The following LRMDA variants were observed in gnomAD, a reference collection of about 807,000 sequenced individuals.
The protein encoded by LRMDA is leucine-rich melanocyte differentiation-associated protein.
LRMDA carries 18 observed loss-of-function variants against 29.8 expected under a neutral mutation model. The observed-to-expected ratio is 0.60, with a 90% CI of 0.42 to 0.90. The LOEUF (loss-of-function observed/expected upper bound fraction) is 0.90. LRMDA is among the 40% of genes least tolerant of loss of function. LRMDA has a pLI of 0.00. For missense variants in LRMDA, 273 were observed against 273.9 expected (o/e 1.00, Z 0.02); for synonymous variants, 125 against 109.4 (o/e 1.14, Z -0.89).
intron 2 of LRMDA, among the ~76,000 whole-genome samples, chr10:75,669,521 T>G (rs1345418013): frequency 1.3e-5 from 2 of 152,256 alleles, no homozygotes; most frequent in Non-Finnish European, 2.9e-5. Flanking sequence ...CAAATTATTT[T>G]GTGAATTATC....
chr10:75,766,817 C>T (rs928331656), intron 2 of LRMDA, among the ~76,000 whole-genome samples: 9 of 152,060 alleles, frequency 5.9e-5, no homozygotes, highest in East Asian at 3.9e-4. Flanking sequence ...AGACGGGCCC[C>T]GGTGTGTGAT....
At chr10:76,374,636 G>A (rs955956855) in intron 6 of LRMDA, among the ~76,000 whole-genome samples, 10 of 152,112 alleles carry the variant, frequency 6.6e-5, no homozygotes, top group Non-Finnish European at 4.4e-5. Context: ...AATAAGCAGC[G>A]TCATTGCATT....
chr10:75,874,977 A>G (rs1184365102), intron 2 of LRMDA, among the ~76,000 whole-genome samples: 1 of 152,216 alleles, frequency 6.6e-6, no homozygotes, highest in Non-Finnish European at 1.5e-5. Flanking sequence ...TAGGCAGGGA[A>G]TATAATCATG....
intron 6 of LRMDA, among the ~76,000 whole-genome samples, chr10:76,517,594 C>G (rs1486539821): frequency 6.6e-6 from 1 of 151,896 alleles, no homozygotes; most frequent in Non-Finnish European, 1.5e-5. Context: ...ACTTCTAAAG[C>G]AGGTACATGA....
intron 5 of LRMDA, among the ~76,000 whole-genome samples, chr10:76,089,926 G>A (rs1849202845): frequency 6.6e-6 from 1 of 152,184 alleles, no homozygotes; most frequent in Admixed American, 6.5e-5. Context: ...AGAGTGTAAC[G>A]TGAGCCAACG....
chr10:75,941,385 C>T (rs561693093), intron 2 of LRMDA, among the ~76,000 whole-genome samples: 1 of 152,232 alleles, frequency 6.6e-6, no homozygotes, highest in East Asian at 1.9e-4. Context: ...AAATGGAAAA[C>T]GACTTTTAAT....
intron 6 of LRMDA, among the ~76,000 whole-genome samples, chr10:76,498,307 G>A (rs1842890479): frequency 1.3e-5 from 1 of 75,556 alleles, no homozygotes; most frequent in Admixed American, 1.2e-4. Context: ...CACTGTGTTA[G>A]GAGGTTCCTT....
At chr10:76,025,060 A>G (rs779798266) in intron 2 of LRMDA, among the ~76,000 whole-genome samples, 20 of 151,782 alleles carry the variant, frequency 1.3e-4, no homozygotes, top group Admixed American at 1.2e-3. Context: ...CACTCTTTAG[A>G]CTCTTAAAAA....
intron 5 of LRMDA, among the ~76,000 whole-genome samples, chr10:76,182,039 TAC>T (rs1851059093): frequency 6.6e-6 from 1 of 152,214 alleles, no homozygotes; most frequent in Non-Finnish European, 1.5e-5. Flanking sequence ...GATCTAGCAA[TAC>T]CTACCTCAGG....
chr10:75,742,039 A>C (rs1842836232), intron 2 of LRMDA, among the ~76,000 whole-genome samples: 1 of 152,166 alleles, frequency 6.6e-6, no homozygotes. Context: ...CTGACTAAGA[A>C]CTTCCATCCT....
chr10:75,957,721 C>T (rs1011889182), intron 2 of LRMDA, among the ~76,000 whole-genome samples: 8 of 152,198 alleles, frequency 5.3e-5, no homozygotes, highest in African/African-American at 1.9e-4. Flanking sequence ...GGTTCATTTT[C>T]TTGAAAGTGC....
At chr10:76,174,041 T>C (rs1850888113) in intron 5 of LRMDA, among the ~76,000 whole-genome samples, 1 of 152,250 alleles carries the variant, frequency 6.6e-6, no homozygotes, top group South Asian at 2.1e-4. Flanking sequence ...ATGGCTTCAC[T>C]GATGAATTCT....
chr10:75,944,364 AATATT>A (rs1174265963), intron 2 of LRMDA, among the ~76,000 whole-genome samples: 1 of 152,084 alleles, frequency 6.6e-6, no homozygotes, highest in African/African-American at 2.4e-5. Context: ...TTCAGAGGTT[AATATT>A]CATAGGTATG....
intron 2 of LRMDA, among the ~76,000 whole-genome samples, chr10:75,733,591 A>G (rs1842725134): frequency 6.6e-6 from 1 of 152,066 alleles, no homozygotes; most frequent in Non-Finnish European, 1.5e-5. Flanking sequence ...TATTGAGATG[A>G]TAATGTGGCC....
chr10:75,955,182 G>T (rs1184876583), intron 2 of LRMDA, among the ~76,000 whole-genome samples: 1 of 152,192 alleles, frequency 6.6e-6, no homozygotes, highest in Non-Finnish European at 1.5e-5. Flanking sequence ...GAAAAGTGGA[G>T]ACTGGGGTTT....
At chr10:75,453,949 G>A (rs1844487315) in intron 2 of LRMDA, among the ~76,000 whole-genome samples, 1 of 152,188 alleles carries the variant, frequency 6.6e-6, no homozygotes. Context: ...TGAACTGAAG[G>A]CCCCAAAACC....
At chr10:76,501,691 T>C (rs1842911292) in intron 6 of LRMDA, among the ~76,000 whole-genome samples, 5 of 151,914 alleles carry the variant, frequency 3.3e-5, no homozygotes, top group African/African-American at 1.2e-4. Context: ...CCTTTTCCCA[T>C]TTTTGATGGG....
At chr10:76,347,308 T>A (rs964787877) in intron 6 of LRMDA, among the ~76,000 whole-genome samples, 3 of 152,338 alleles carry the variant, frequency 2.0e-5, no homozygotes, top group South Asian at 4.1e-4. Context: ...CACATTGGAA[T>A]CTGATAACGA....
chr10:75,741,142 CAGAT>C (rs1842823884), intron 2 of LRMDA, among the ~76,000 whole-genome samples: 1 of 152,174 alleles, frequency 6.6e-6, no homozygotes, highest in African/African-American at 2.4e-5. Context: ...AGATAGGAAA[CAGAT>C]AGCAAACAGC....
Sources: gnomAD v4.1 joint callset for allele counts (sites outside exome capture counted in the v4.1 genomes callset) on GRCh38, gnomAD v4.1.1 for gene constraint, MANE v1.5 for transcripts, NCBI Gene and HGNC (gene_info 2026-07-23, HGNC 2026-07-21) for gene names.